Variants in ZNF423 observed in about 807,000 individuals in gnomAD.
ZNF423 encodes the protein zinc finger protein 423.
Under a neutral mutation model 95.8 loss-of-function variants are expected in ZNF423, and 12 were observed. The observed-to-expected ratio is 0.13, with a 90% CI of 0.08 to 0.20. The LOEUF is 0.20. ZNF423 is among the 10% of genes least tolerant of loss of function. ZNF423 has a pLI of 1.00. For missense variants in ZNF423, 1,316 were observed against 1,737.1 expected, an observed-to-expected ratio of 0.76 and a Z score of 4.31; for synonymous variants, 749 against 711.9, an observed-to-expected ratio of 1.05 and a Z score of -0.83.
At chr16:49,606,175 G>A (rs553485150) in intron 5 of ZNF423, among the ~76,000 whole-genome samples, 1 of 152,246 alleles carries the variant, frequency 6.6e-6, no homozygotes, top group South Asian at 2.1e-4. Flanking sequence ...CTTTCCTATG[G>A]GAAAGTCCCA....
intron 1 of ZNF423, among the ~76,000 whole-genome samples, chr16:49,791,770 G>A (rs1347692739): frequency 6.6e-6 from 1 of 152,188 alleles, no homozygotes; most frequent in Non-Finnish European, 1.5e-5. Context: ...GGGAGGCCAA[G>A]GCAAGCAGAT....
intron 7 of ZNF423, among the ~76,000 whole-genome samples, chr16:49,491,898 G>A (rs1487216693): frequency 6.6e-6 from 1 of 152,164 alleles, no homozygotes; most frequent in African/African-American, 2.4e-5. Context: ...GGAAGACGCG[G>A]GAGGAGCCTC....
chr16:49,750,006 G>T (rs2033603624), intron 2 of ZNF423, among the ~76,000 whole-genome samples: 1 of 152,192 alleles, frequency 6.6e-6, no homozygotes, highest in Admixed American at 6.5e-5. Flanking sequence ...GGGCCATGTG[G>T]TGGAGAGTTG....
At position 49,636,512 on chromosome 16, in the gene ZNF423, G is replaced by A. The variant is rs376264701; in HGVS notation, c.2664C>T (p.Asp888=). The A allele has an allele frequency of 4.5e-5, 73 of 1,613,680 alleles. 1 individual carries two copies. Among genetic ancestry groups the A allele is most frequent in the Admixed American group, 6.7e-5 (4 of 60,006 alleles). Residue 888 remains aspartate (D), a synonymous_variant, in exon 4 of 8, where the codon GAC becomes GAT. Coordinates refer to ENST00000563137, the MANE Select transcript of ZNF423 (RefSeq NM_001379286.1). The surrounding 1 kb of genome is among the most constrained non-coding windows in gnomAD (Gnocchi z 8.6). ...CACAGCCGTACATGGGCTCCGACGC[G>A]TCCACGTCATCCTCGCTGGCCTCAT... ...NSHEASEDDV[D]ASEPMYGCDI...
chr16:49,739,803 A>G (rs1271524950), intron 2 of ZNF423, among the ~76,000 whole-genome samples: 2 of 149,980 alleles, frequency 1.3e-5, no homozygotes, highest in Non-Finnish European at 3.0e-5. Context: ...GGCTCAAGCA[A>G]TCCTCCCACA....
chr16:49,551,251 A>T (rs1969623342), intron 5 of ZNF423, among the ~76,000 whole-genome samples: 1 of 152,252 alleles, frequency 6.6e-6, no homozygotes, highest in African/African-American at 2.4e-5. Context: ...TAATTTTCAC[A>T]GATTCAACCT....
At chr16:49,739,595 G>T (rs534788945) in intron 2 of ZNF423, among the ~76,000 whole-genome samples, 1 of 151,682 alleles carries the variant, frequency 6.6e-6, no homozygotes, top group Non-Finnish European at 1.5e-5. Flanking sequence ...TCTTGTGCCC[G>T]CCCTCTGTAG....
At chr16:49,804,983 T>C (rs1381406094) in intron 1 of ZNF423, among the ~76,000 whole-genome samples, 1 of 137,268 alleles carries the variant, frequency 7.3e-6, no homozygotes, top group East Asian at 2.3e-4. Flanking sequence ...CATTGCAACC[T>C]CCACCTCCTG....
intron 3 of ZNF423, among the ~76,000 whole-genome samples, chr16:49,673,427 A>T (rs1159735614): frequency 5.3e-5 from 8 of 152,238 alleles, no homozygotes; most frequent in Non-Finnish European, 1.2e-4. Flanking sequence ...CACCAGCGTG[A>T]GCGGTGGTGT....
chr16:49,705,866 G>T (rs966331655), intron 3 of ZNF423, among the ~76,000 whole-genome samples: 1 of 152,170 alleles, frequency 6.6e-6, no homozygotes, highest in African/African-American at 2.4e-5. Context: ...AGTTTATATA[G>T]CAAGCATAAA....
intron 1 of ZNF423, among the ~76,000 whole-genome samples, chr16:49,825,258 A>T (rs1034744798): frequency 2.0e-5 from 3 of 152,166 alleles, no homozygotes. Flanking sequence ...TTTTTAAAAA[A>T]TCTGGTGTTG....
chr16:49,587,250 A>C (rs62030980), intron 5 of ZNF423, among the ~76,000 whole-genome samples: 4 of 152,110 alleles, frequency 2.6e-5, no homozygotes, highest in African/African-American at 9.6e-5. Context: ...AATGACAGAC[A>C]GGCCTTGGAA....
At chr16:49,696,716 G>C (rs1334196184) in intron 3 of ZNF423, among the ~76,000 whole-genome samples, 2 of 151,908 alleles carry the variant, frequency 1.3e-5, no homozygotes, top group Non-Finnish European at 1.5e-5. Flanking sequence ...TCCTGGCGGG[G>C]GACAGCCAGG....
At chr16:49,712,825 A>ATCCTTGACCTTCCTGCTTT (rs1567305932) in intron 3 of ZNF423, among the ~76,000 whole-genome samples, 2 of 152,264 alleles carry the variant, frequency 1.3e-5, no homozygotes, top group Admixed American at 6.5e-5. Flanking sequence ...CCGCGGATGC[A>ATCCTTGACCTTCCTGCTTT]TCCTTGACCT....
In ZNF423 at chr16:49,579,664, T is replaced by A. The variant is rs373115539; in HGVS notation, c.3601+46506A>T. Among the ~76,000 whole-genome samples, 4 of 152,108 alleles carry A rather than the reference T, an allele frequency of 2.6e-5. No homozygotes were observed. In the East Asian group the frequency reaches 5.8e-4, roughly 22 times the overall value. ...GAGGCTTGCGTAGGAGTAACATAAT[T>A]CATGAGGGGCTGGGGAGGCAGGGAA... On this transcript the variant is annotated intron_variant, in intron 5 of 7. Coordinates refer to ENST00000563137, the MANE Select transcript of ZNF423 (RefSeq NM_001379286.1).
intron 2 of ZNF423, among the ~76,000 whole-genome samples, chr16:49,769,335 A>G (rs1249846875): frequency 6.6e-6 from 1 of 151,000 alleles, no homozygotes; most frequent in East Asian, 1.9e-4. Flanking sequence ...AGCCTGGGCA[A>G]CAGAATGAGA....
intron 7 of ZNF423, among the ~76,000 whole-genome samples, chr16:49,521,357 C>A (rs180978454): frequency 7.9e-5 from 12 of 152,332 alleles, no homozygotes; most frequent in African/African-American, 2.6e-4. Context: ...TATAGAAAGC[C>A]TCCTCTGTCA....
chr16:49,659,130 C>G (rs2030059318), intron 3 of ZNF423, among the ~76,000 whole-genome samples: 1 of 152,194 alleles, frequency 6.6e-6, no homozygotes, highest in South Asian at 2.1e-4. Context: ...ACTCTGTCGC[C>G]CAGGCTGCAG....
rs1971456178 is a variant in ZNF423 at position 49,603,940 on chromosome 16, G to A, written c.3601+22230C>T. Among the ~76,000 whole-genome samples the A allele has an allele frequency of 6.6e-6, 1 of 152,210 alleles. No homozygotes were observed. The highest frequency in any genetic ancestry group is 1.5e-5 in the Non-Finnish European group (1 of 68,034). ...TTGGAGAGCCCTGGGGACAGGCAAG[G>A]GCACAAGGATGCCAGAAATCTCCAA... is the stretch of plus-strand genomic sequence containing the variant. On this transcript the variant is annotated intron_variant, in intron 5 of 7. Coordinates refer to ENST00000563137, the MANE Select transcript of ZNF423 (RefSeq NM_001379286.1). The surrounding 1 kb of genome is among the most constrained non-coding windows in gnomAD (Gnocchi z 4.1).
Sources: allele counts gnomAD v4.1 joint callset (sites outside exome capture counted in the v4.1 genomes callset), GRCh38; gene constraint gnomAD v4.1.1; non-coding constraint Gnocchi (gnomAD v3.1); transcripts MANE v1.5; gene names NCBI Gene and HGNC (gene_info 2026-07-23, HGNC 2026-07-21).